The following VASH2 variants were observed in gnomAD, a reference collection of about 807,000 sequenced individuals.
VASH2 encodes the protein vasohibin 2.
Under a neutral mutation model 37.2 loss-of-function variants are expected in VASH2, and 28 were observed. That is an observed-to-expected ratio of 0.75 (90% CI 0.56 to 1.03). The LOEUF (loss-of-function observed/expected upper bound fraction) is 1.03. VASH2 is among the 50% of genes least tolerant of loss of function. The pLI is 0.00. For synonymous variants in VASH2, 188 were observed against 174.7 expected, an observed-to-expected ratio of 1.08 and a Z score of -0.60; for missense variants, 419 against 459.1, an observed-to-expected ratio of 0.91 and a Z score of 0.80.
intron 5 of VASH2, chr1:212,966,889 G>A (rs1055307427): frequency 1.7e-5 from 6 of 362,932 alleles, no homozygotes; most frequent in Non-Finnish European, 2.2e-5. Context: ...CACCATGCCC[G>A]GCTAATTTTT....
intron 2 of VASH2, among the ~76,000 whole-genome samples, chr1:212,953,177 A>G (rs1046796030): frequency 6.6e-6 from 1 of 151,072 alleles, no homozygotes; most frequent in African/African-American, 2.5e-5. Flanking sequence ...ACCCGTACCA[A>G]CCCTGCCTCT....
chr1:212,965,786 G>A lies in VASH2; in HGVS notation c.422+8G>A. On this transcript the variant is annotated splice_region_variant and intron_variant, in intron 4 of 7. Coordinates refer to ENST00000517399, the MANE Select transcript of VASH2 (RefSeq NM_001301056.2). ...AATGAGACCGCTGAGTGGGTAAGTG[G>A]TGCATGATCTATGGGCCAGATGACC... is the stretch of plus-strand genomic sequence containing the variant. The A allele has an allele frequency of 1.3e-6, 2 of 1,551,722 alleles. No homozygotes were observed. Among genetic ancestry groups the A allele is most frequent in the South Asian group, 1.2e-5 (1 of 84,052 alleles).
chr1:212,956,481 C>T (rs1447356963), intron 2 of VASH2, among the ~76,000 whole-genome samples: 3 of 152,078 alleles, frequency 2.0e-5, no homozygotes, highest in Admixed American at 6.5e-5. Context: ...GTGGTGAGAC[C>T]GTTGAGGGGA....
rs1211179241 is a variant in VASH2, at chr1:212,971,864, A to C, written c.498-716A>C. Among the ~76,000 whole-genome samples, 2 of 152,082 alleles carry C rather than the reference A, an allele frequency of 1.3e-5. No homozygotes were observed. Among genetic ancestry groups the C allele is most frequent in the African/African-American group, 4.8e-5 (2 of 41,388 alleles). On this transcript the variant is annotated intron_variant, in intron 5 of 7. Coordinates refer to ENST00000517399, the MANE Select transcript of VASH2 (RefSeq NM_001301056.2). The surrounding 1 kb of genome is among the most constrained non-coding windows in gnomAD (Gnocchi z 4.0). ...AAGGTTCGTTCTTTCTGTAAGCATT[A>C]AACAAGCCCATCTGTGTACCAGGCC...
At chr1:212,964,922 GT>G (rs754917916) in intron 3 of VASH2, among the ~76,000 whole-genome samples, 589 of 137,948 alleles carry the variant, frequency 4.3e-3, no homozygotes, top group East Asian at 5.7e-3. Context: ...TTTCTGCCAG[GT>G]TTTTTTTTTT....
At chr1:212,976,353 C>T (rs7554696) in intron 7 of VASH2, among the ~76,000 whole-genome samples, 4 of 151,996 alleles carry the variant, frequency 2.6e-5, no homozygotes, top group East Asian at 1.9e-4. Flanking sequence ...GGCCAAGGAG[C>T]GATAACTGCA....
chr1:212,960,990 G>A (rs773333382), intron 2 of VASH2, among the ~76,000 whole-genome samples, 176 bp from the exon 3 acceptor site: 10 of 152,258 alleles, frequency 6.6e-5, no homozygotes, highest in Admixed American at 5.2e-4. Flanking sequence ...ACTGTTCCTG[G>A]GAGACCTCAT....
At chr1:212,962,414 A>C (rs1350229904) in intron 3 of VASH2, among the ~76,000 whole-genome samples, 1 of 152,180 alleles carries the variant, frequency 6.6e-6, no homozygotes, top group Non-Finnish European at 1.5e-5. Flanking sequence ...TCCCAGGCAC[A>C]TTGACTGGCT....
chr1:212,956,167 T>C (rs1666482698), intron 2 of VASH2, among the ~76,000 whole-genome samples: 1 of 152,252 alleles, frequency 6.6e-6, no homozygotes, highest in African/African-American at 2.4e-5. Flanking sequence ...GTTACACAAC[T>C]GTCCATCCGT....
Position 212,971,211 on chromosome 1 carries a change from G to A in VASH2, c.498-1369G>A, listed in dbSNP as rs1025857676. Among the ~76,000 whole-genome samples, 13 of 152,140 alleles carry A rather than the reference G, an allele frequency of 8.5e-5. No individual in the cohort carries two copies. Among genetic ancestry groups the A allele is most frequent in the Non-Finnish European group, 1.0e-4 (7 of 68,026 alleles). The stretch of plus-strand genomic sequence containing the variant: ...CCTTTATCCATCGATGGATATTTGC[G>A]TTGTTTCCACCTTCTGGCTATTGCA... On this transcript the variant is annotated intron_variant, in intron 5 of 7. Transcript: ENST00000517399. The surrounding 1 kb of genome is among the most constrained non-coding windows in gnomAD (Gnocchi z 4.0).
At chr1:212,988,370 T>A in intron 7 of VASH2, 142 bp from the exon 8 acceptor site, 2 of 785,364 alleles carry the variant, frequency 2.5e-6, no homozygotes, top group Non-Finnish European at 4.3e-6. Context: ...AGTTGTGAGC[T>A]AAGGCTGGCA....
In VASH2 at chr1:212,972,915, A is replaced by G; in HGVS notation, c.833A>G (p.Asp278Gly). ...AACGTCTCAAAGATGCTGAGGGCTG[A>G]CATAAGGAAGGAGCTGGAGAAATAT... The part of the protein sequence containing the change: ...VLNVSKMLRA[D>G]IRKELEKYAR... Residue 278 changes from aspartate (D) to glycine (G), a missense_variant, in exon 6 of 8, where the codon GAC becomes GGC. Around this residue, in one of 3 missense-constraint regions of VASH2, gnomAD observed 177 missense variants for 166.2 expected, o/e 1.06. Transcript: ENST00000517399. The G allele has an allele frequency of 6.2e-7, 1 of 1,614,050 alleles. No homozygotes were observed. The highest frequency in any genetic ancestry group is 8.5e-7 in the Non-Finnish European group (1 of 1,180,036).
At chr1:212,961,480 T>A in intron 3 of VASH2, 1 of 795,574 alleles carries the variant, frequency 1.3e-6, no homozygotes, top group Non-Finnish European at 1.8e-6. Flanking sequence ...CTTCTGCTTC[T>A]CTTTCTCCCT....
At chr1:212,952,638 A>G (rs1458287730) in intron 2 of VASH2, 2 of 152,278 alleles carry the variant, frequency 1.3e-5, no homozygotes, top group African/African-American at 4.8e-5. Flanking sequence ...TGGTGGGAGT[A>G]GATACGTTAT....
chr1:212,987,891 TCA>T (rs1229945941), intron 7 of VASH2, among the ~76,000 whole-genome samples: 14 of 152,260 alleles, frequency 9.2e-5, no homozygotes, highest in African/African-American at 2.9e-4. Flanking sequence ...AAGTACTTTC[TCA>T]CATGACTTTG....
At chr1:212,957,617 C>CT (rs1056304168) in intron 2 of VASH2, among the ~76,000 whole-genome samples, 7,235 of 137,390 alleles carry the variant, frequency 0.053, 588 homozygotes, top group African/African-American at 0.17. Context: ...ACAGCTTACA[C>CT]TTTTTTTTTT....
At chr1:212,954,011 C>G (rs1369722234) in intron 2 of VASH2, among the ~76,000 whole-genome samples, 27 of 151,852 alleles carry the variant, frequency 1.8e-4, no homozygotes, top group Admixed American at 1.8e-3. Flanking sequence ...CAGGCTCAAG[C>G]AATCCTCCCA....
intron 2 of VASH2, among the ~76,000 whole-genome samples, chr1:212,955,982 C>G (rs1666477129): frequency 6.6e-6 from 1 of 152,256 alleles, no homozygotes; most frequent in African/African-American, 2.4e-5. Flanking sequence ...TGCTTCTCTT[C>G]CCAAGCTGCC....
rs182827518 is a variant in VASH2, at chr1:212,971,156, A to G, written c.498-1424A>G. Among the ~76,000 whole-genome samples the G allele has an allele frequency of 3.0e-4, 46 of 152,304 alleles. No homozygotes were observed. The highest frequency in any genetic ancestry group is 3.4e-3 in the Middle Eastern group (1 of 294). On this transcript the variant is annotated intron_variant, in intron 5 of 7. Transcript: ENST00000517399. This position sits in a 1 kb window ranked among gnomAD's most constrained non-coding sequence, Gnocchi z 4.0. ...TCCCTTATGAGGCTGAATAAATTCT[A>G]TTACATGTATACACTACATTTTGTT...
Sources: gnomAD v4.1 joint callset for allele counts (sites outside exome capture counted in the v4.1 genomes callset) on GRCh38, gnomAD v4.1.1 for gene constraint, gnomAD v4.1.1 regional missense constraint, Gnocchi (gnomAD v3.1) non-coding constraint, MANE v1.5 for transcripts, NCBI Gene and HGNC (gene_info 2026-07-23, HGNC 2026-07-21) for gene names.